Variants in KDM4B observed in about 807,000 individuals in gnomAD.
The protein encoded by KDM4B is lysine demethylase 4B.
Under a neutral mutation model 125.2 loss-of-function variants are expected in KDM4B, and 32 were observed. The ratio of observed to expected loss-of-function variants is 0.26; its 90% CI spans 0.19 to 0.34. The LOEUF (loss-of-function observed/expected upper bound fraction) is 0.34, where lower values mean the gene tolerates loss of function less well. Ranked by LOEUF, KDM4B falls within the 10% of genes least tolerant of loss-of-function variation. The probability of loss-of-function intolerance (pLI) is 1.00; values close to 1 mark genes in which losing one functional copy is unlikely to be tolerated. For missense variants in KDM4B, 1,190 were observed against 1,577.7 expected, an observed-to-expected ratio of 0.75 and a Z score of 4.16; for synonymous variants, 721 against 677.9, an observed-to-expected ratio of 1.06 and a Z score of -0.99.
rs749238228 is a variant in KDM4B, at chr19:5,131,958, C to T, written c.1857C>T (p.Pro619=). 47 of 1,611,968 alleles carry T rather than the reference C, an allele frequency of 2.9e-5. No homozygotes were observed. The highest frequency in any genetic ancestry group is 3.6e-5 in the Non-Finnish European group (42 of 1,179,572). ...KSRRHPLGRP[P]TRSPLSVVKQ... ...GGCGCCATCCCCTGGGCCGGCCGCC[C>T]ACCCGGTCCCCACTGTCGGTGGTGA... Residue 619 remains proline (P), a synonymous_variant, in exon 13 of 23, where the codon CCC becomes CCT. Coordinates refer to ENST00000159111, the MANE Select transcript of KDM4B (RefSeq NM_015015.3).
chr19:5,120,012 C>T (rs1015506524), intron 11 of KDM4B, among the ~76,000 whole-genome samples, 160 bp downstream of exon 11: 5 of 152,196 alleles, frequency 3.3e-5, no homozygotes, highest in South Asian at 2.1e-4. Context: ...AAATAGACAT[C>T]GTAAGGTGGA....
intron 21 of KDM4B, 36 bp downstream of exon 21, chr19:5,144,938 A>C: frequency 6.2e-7 from 1 of 1,611,614 alleles, no homozygotes; most frequent in Non-Finnish European, 8.5e-7. Flanking sequence ...CCATGCCTTC[A>C]CCAAGCTCTT....
chr19:4,984,590 A>G (rs1184056170), intron 1 of KDM4B, among the ~76,000 whole-genome samples: 1 of 152,092 alleles, frequency 6.6e-6, no homozygotes, highest in Non-Finnish European at 1.5e-5. Context: ...ACGCCTCGTC[A>G]GGTTTTCTGC....
intron 1 of KDM4B, among the ~76,000 whole-genome samples, chr19:5,005,936 G>C (rs909254617): frequency 2.6e-5 from 4 of 152,142 alleles, no homozygotes; most frequent in African/African-American, 9.7e-5. Context: ...TGGTGATGCT[G>C]GGTCACAAGA....
intron 9 of KDM4B, among the ~76,000 whole-genome samples, chr19:5,087,932 G>A (rs1007555997): frequency 6.6e-6 from 1 of 152,144 alleles, no homozygotes. Flanking sequence ...TGGGGAGTGA[G>A]GGCACCGGGC....
intron 9 of KDM4B, among the ~76,000 whole-genome samples, chr19:5,106,916 G>T (rs1399362139): frequency 6.6e-6 from 1 of 152,212 alleles, no homozygotes; most frequent in Non-Finnish European, 1.5e-5. Flanking sequence ...GGCCCAACCT[G>T]TAGATGAGAG....
intron 1 of KDM4B, among the ~76,000 whole-genome samples, chr19:4,995,459 A>G (rs1333688388): frequency 6.6e-6 from 1 of 152,038 alleles, no homozygotes; most frequent in Non-Finnish European, 1.5e-5. Flanking sequence ...TTGTGTTTTT[A>G]GTAGAGACGG....
At chr19:5,136,927 G>A (rs1320395822) in intron 15 of KDM4B, among the ~76,000 whole-genome samples, 1 of 152,198 alleles carries the variant, frequency 6.6e-6, no homozygotes, top group Non-Finnish European at 1.5e-5. Context: ...TGCTGTTGGG[G>A]GTGCAGACAC....
chr19:5,055,118 C>T (rs886488475), intron 6 of KDM4B, among the ~76,000 whole-genome samples: 4 of 152,250 alleles, frequency 2.6e-5, no homozygotes, highest in African/African-American at 9.6e-5. Flanking sequence ...ACCTCACTCA[C>T]GTTAAGCAAT....
chr19:5,049,784 C>A (rs2037160761), intron 6 of KDM4B, among the ~76,000 whole-genome samples: 1 of 152,194 alleles, frequency 6.6e-6, no homozygotes, highest in East Asian at 1.9e-4. Flanking sequence ...CCTGGTCACC[C>A]CGTGTCCCAG....
chr19:4,972,755 C>G (rs2034304714), intron 1 of KDM4B, among the ~76,000 whole-genome samples: 2 of 152,206 alleles, frequency 1.3e-5, no homozygotes, highest in South Asian at 4.1e-4. Flanking sequence ...TGAGTGACTC[C>G]TATTTGCAAA....
chr19:5,020,857 C>T (rs1441372083), intron 2 of KDM4B, among the ~76,000 whole-genome samples: 1 of 152,134 alleles, frequency 6.6e-6, no homozygotes, highest in Non-Finnish European at 1.5e-5. Context: ...TAGAAAACAT[C>T]CCTGACTGGC....
At chr19:5,053,128 A>C (rs1175337216) in intron 6 of KDM4B, among the ~76,000 whole-genome samples, 1 of 152,206 alleles carries the variant, frequency 6.6e-6, no homozygotes, top group Non-Finnish European at 1.5e-5. Context: ...TGGTTTTAAT[A>C]ACTCAGCTTC....
At chr19:4,974,303 G>A (rs553788402) in intron 1 of KDM4B, among the ~76,000 whole-genome samples, 47 of 152,050 alleles carry the variant, frequency 3.1e-4, no homozygotes, top group African/African-American at 1.1e-3. Flanking sequence ...TCGGGAGGCT[G>A]AGGCAGGAGA....
At chr19:5,089,374 T>A (rs561524793) in intron 9 of KDM4B, among the ~76,000 whole-genome samples, 1 of 152,354 alleles carries the variant, frequency 6.6e-6, no homozygotes, top group South Asian at 2.1e-4. Context: ...TAGGGATATC[T>A]GTAGCCCCGT....
At chr19:5,061,580 A>G (rs1290190157) in intron 6 of KDM4B, among the ~76,000 whole-genome samples, 1 of 152,112 alleles carries the variant, frequency 6.6e-6, no homozygotes, top group Admixed American at 6.5e-5. Context: ...TCCAGTAGAA[A>G]CAGGCAGGTT....
intron 12 of KDM4B, 152 bp downstream of exon 12, chr19:5,131,697 G>A (rs933395927): frequency 2.8e-6 from 2 of 704,002 alleles, no homozygotes; most frequent in Non-Finnish European, 2.3e-6. Context: ...AGGGAACTGT[G>A]GCTCTTCTCA....
chr19:5,130,651 A>G (rs2039525797), intron 11 of KDM4B, among the ~76,000 whole-genome samples: 2 of 152,260 alleles, frequency 1.3e-5, no homozygotes, highest in African/African-American at 2.4e-5. Flanking sequence ...ACACGAGAAC[A>G]CAAAAAGTGC....
chr19:5,141,194 G>C lies in KDM4B; in HGVS notation c.2551-2773G>C, dbSNP rs1335008600. 6.6e-6 allele frequency: 1 copy of C among 152,250 alleles called. No individual in the cohort carries two copies. Among genetic ancestry groups the C allele is most frequent in the Non-Finnish European group, 1.5e-5 (1 of 68,058 alleles). 9.4% of individuals were successfully genotyped at this position (152,250 alleles called of 1,614,324 possible). Reference sequence around the variant, plus strand: ...CAGGGCTGTGCAGGCAGTCACAGAGGCTCATCTGGAAGGGGAGCCCTCTTT... The same window carrying C: ...CAGGGCTGTGCAGGCAGTCACAGAGCCTCATCTGGAAGGGGAGCCCTCTTT... On this transcript the variant is annotated intron_variant, in intron 18 of 22. Transcript: ENST00000159111. The surrounding 1 kb of genome is among the most constrained non-coding windows in gnomAD (Gnocchi z 6.4).
Sources: gnomAD v4.1 joint callset for allele counts (sites outside exome capture counted in the v4.1 genomes callset) on GRCh38, gnomAD v4.1.1 for gene constraint, Gnocchi (gnomAD v3.1) non-coding constraint, MANE v1.5 for transcripts, NCBI Gene and HGNC (gene_info 2026-07-23, HGNC 2026-07-21) for gene names.